The following POM121C variants were observed in gnomAD, a reference collection of about 807,000 sequenced individuals.
POM121C encodes the protein nuclear envelope pore membrane protein POM 121C.
A neutral mutation model predicts 66.4 loss-of-function variants in POM121C; 20 were observed. The ratio of observed to expected loss-of-function variants is 0.30; its 90% CI spans 0.21 to 0.44. The LOEUF is 0.44. Ranked by LOEUF, POM121C falls within the 20% of genes least tolerant of loss-of-function variation. The probability of loss-of-function intolerance (pLI) is 1.00; values close to 1 mark genes in which losing one functional copy is unlikely to be tolerated. For synonymous variants in POM121C, 286 were observed against 528.0 expected, an observed-to-expected ratio of 0.54 and a Z score of 6.28; for missense variants, 580 against 1,225.7, an observed-to-expected ratio of 0.47 and a Z score of 7.87.
At chr7:75,472,790 G>A (rs1791924650) in intron 3 of POM121C, among the ~76,000 whole-genome samples, 1 of 151,324 alleles carries the variant, frequency 6.6e-6, no homozygotes, top group South Asian at 2.1e-4. Context: ...TGGGTGACAA[G>A]AGCGAGACAC....
chr7:75,430,631 T>C (rs1426575329), intron 7 of POM121C, among the ~76,000 whole-genome samples: 1 of 152,164 alleles, frequency 6.6e-6, no homozygotes, highest in Non-Finnish European at 1.5e-5. Flanking sequence ...CAGGCAAAGA[T>C]TTCCTAAATA....
chr7:75,472,983 A>G (rs1195988287), intron 3 of POM121C, among the ~76,000 whole-genome samples: 1 of 152,222 alleles, frequency 6.6e-6, no homozygotes, highest in East Asian at 1.9e-4. Flanking sequence ...CTGAACACGA[A>G]TGTCAAAAGA....
intron 3 of POM121C, chr7:75,442,760 T>G (rs1429695860): frequency 5.3e-6 from 7 of 1,310,338 alleles, no homozygotes; most frequent in African/African-American, 1.6e-5. Flanking sequence ...TATCCCAGCG[T>G]GCACCGCGCC....
rs1790690069 is a variant in POM121C, at chr7:75,442,473, C to A, written c.-151-826G>T. ...GTTCGCCGATGTCGCGCCTTCTGAA[C>A]GAAGGAGGACAAGGGGCGCGAACCT... On this transcript the variant is annotated intron_variant, in intron 3 of 14. Coordinates refer to ENST00000615331, the MANE Select transcript of POM121C (RefSeq NM_001099415.3). 2.1e-6 allele frequency: 3 copies of A among 1,413,532 alleles called. No individual in the cohort carries two copies. In the East Asian group the frequency reaches 8.2e-5, roughly 39 times the overall value. 87.6% of individuals were successfully genotyped at this position (1,413,532 alleles called of 1,614,324 possible). A position where few individuals can be genotyped will look rare whatever the true frequency, so the allele number is the denominator to read the frequency against.
Position 75,473,798 on chromosome 7 carries a change from C to T in POM121C, c.-152+906G>A, listed in dbSNP as rs587647092. ...CCGCCTCCCGTGTTCACGCCATTCT[C>T]CTGCCTCAGCCTCCCAAGTAGCTGG... On this transcript the variant is annotated intron_variant, in intron 3 of 14. Coordinates refer to ENST00000615331, the MANE Select transcript of POM121C (RefSeq NM_001099415.3). Among the ~76,000 whole-genome samples the T allele has an allele frequency of 5.9e-5, 9 of 151,632 alleles. No individual in the cohort carries two copies. The South Asian group carries it at 1.9e-3, about 31-fold the overall frequency.
chr7:75,452,679 T>C (rs1240143285), intron 3 of POM121C, among the ~76,000 whole-genome samples: 3 of 152,040 alleles, frequency 2.0e-5, no homozygotes, highest in South Asian at 2.1e-4. Context: ...CCCAACAATC[T>C]AACATTACCA....
intron 3 of POM121C, among the ~76,000 whole-genome samples, chr7:75,454,960 C>A (rs1306079845): frequency 6.6e-6 from 1 of 152,214 alleles, no homozygotes; most frequent in African/African-American, 2.4e-5. Flanking sequence ...TGGTCTCGAG[C>A]TGCTGGTCTT....
Position 75,441,014 on chromosome 7 carries a change from T to G in POM121C, c.167A>C (p.Lys56Thr). 6.2e-7 allele frequency: 1 copy of G among 1,613,976 alleles called. No individual in the cohort carries two copies. The highest frequency in any genetic ancestry group is 8.5e-7 in the Non-Finnish European group (1 of 1,179,860). ...TVLSALKEKK[K>T]KRTVEEEDQI... is the part of the protein sequence containing the mutation. ...GTCTTCTTCCTCCACTGTCCTTTTC[T>G]TCTTCTTCTCTTTGAGGGCACTCAG... Residue 56 changes from lysine to threonine, a missense_variant, in exon 5 of 15, where the codon AAG becomes ACG. Coordinates refer to ENST00000615331, the MANE Select transcript of POM121C (RefSeq NM_001099415.3).
At chr7:75,475,462 A>C (rs1343700061) in intron 1 of POM121C, among the ~76,000 whole-genome samples, 1 of 152,066 alleles carries the variant, frequency 6.6e-6, no homozygotes, top group Non-Finnish European at 1.5e-5. Context: ...TGCTCTCAGA[A>C]AGCAGACAAC....
At chr7:75,472,396 T>C (rs1324282452) in intron 3 of POM121C, among the ~76,000 whole-genome samples, 1 of 151,410 alleles carries the variant, frequency 6.6e-6, no homozygotes, top group Non-Finnish European at 1.5e-5. Flanking sequence ...GCCTGTAATC[T>C]CAGCTACTCG....
rs377362641 is a variant in POM121C at position 75,481,822 on chromosome 7, A to G, written c.-458+4042T>C. ...CAGAGTGAGACTCTGTCTCCAAAAA[A>G]AGAAAAGAAAAGTATTTTGGCTAGT... On this transcript the variant is annotated intron_variant, in intron 1 of 14. Transcript: ENST00000615331. Among the ~76,000 whole-genome samples, 301 of 152,158 alleles carry G rather than the reference A, an allele frequency of 2.0e-3. 2 individuals are homozygous for G. Among genetic ancestry groups the G allele is most frequent in the African/African-American group, 6.4e-3 (265 of 41,466 alleles).
intron 7 of POM121C, among the ~76,000 whole-genome samples, chr7:75,427,886 A>G (rs1297123158): frequency 6.6e-6 from 1 of 152,180 alleles, no homozygotes; most frequent in African/African-American, 2.4e-5. Flanking sequence ...CAGTGAGGCC[A>G]TCATCAGGAA....
intron 3 of POM121C, among the ~76,000 whole-genome samples, chr7:75,448,832 A>T (rs1206334627): frequency 4.4e-4 from 66 of 151,150 alleles, no homozygotes; most frequent in African/African-American, 1.6e-3. Context: ...TATTAGAAAC[A>T]ACTCTGAAAA....
chr7:75,448,014 A>T (rs1460521937), intron 3 of POM121C, among the ~76,000 whole-genome samples: 31 of 144,348 alleles, frequency 2.1e-4, no homozygotes, highest in African/African-American at 7.9e-4. Flanking sequence ...ACAGAGCTAG[A>T]CTCCGTCTCA....
At chr7:75,468,448 C>T (rs1791755022) in intron 3 of POM121C, among the ~76,000 whole-genome samples, 1 of 150,530 alleles carries the variant, frequency 6.6e-6, no homozygotes, top group Non-Finnish European at 1.5e-5. Context: ...CTCCTGAGTA[C>T]CTGGGATTAC....
At chr7:75,419,080 G>C (rs1481430545) in intron 14 of POM121C, among the ~76,000 whole-genome samples, 187 bp from the exon 15 acceptor site, 2 of 152,198 alleles carry the variant, frequency 1.3e-5, no homozygotes, top group Non-Finnish European at 2.9e-5. Flanking sequence ...GTCTCAGAGC[G>C]AGGCCCACGA....
At chr7:75,477,459 A>T in intron 1 of POM121C, among the ~76,000 whole-genome samples, 1 of 152,282 alleles carries the variant, frequency 6.6e-6, no homozygotes, top group East Asian at 1.9e-4. Context: ...TTGTAGTATT[A>T]AGGTCAACTT....
chr7:75,431,603 C>CAAAAAA (rs71098029), intron 7 of POM121C, among the ~76,000 whole-genome samples: 1 of 50,754 alleles, frequency 2.0e-5, no homozygotes, highest in Non-Finnish European at 3.3e-5. Flanking sequence ...AACTCCGTCT[C>CAAAAAA]AAAAAAAAAA....
chr7:75,435,512 A>G (rs1470645579), intron 7 of POM121C, among the ~76,000 whole-genome samples: 1 of 152,220 alleles, frequency 6.6e-6, no homozygotes, highest in Non-Finnish European at 1.5e-5. Flanking sequence ...TTTAAAATAG[A>G]ACTATTTCAA....
Sources: allele counts gnomAD v4.1 joint callset (sites outside exome capture counted in the v4.1 genomes callset), GRCh38; gene constraint gnomAD v4.1.1; transcripts MANE v1.5; gene names NCBI Gene and HGNC (gene_info 2026-07-23, HGNC 2026-07-21).